Variants in TEP1 observed in about 807,000 individuals in gnomAD.
The protein encoded by TEP1 is telomerase protein component 1.
Under a neutral mutation model 306.3 loss-of-function variants are expected in TEP1, and 241 were observed. The observed-to-expected ratio is 0.79, with a 90% CI of 0.71 to 0.88. TEP1 has a LOEUF of 0.88. TEP1 is among the 40% of genes least tolerant of loss of function. The pLI is 0.00. For synonymous variants in TEP1, 1,289 were observed against 1,305.5 expected, an observed-to-expected ratio of 0.99 and a Z score of 0.27; for missense variants, 3,051 against 3,276.1, an observed-to-expected ratio of 0.93 and a Z score of 1.68.
rs1238406094 is a variant in TEP1 at position 20,367,085 on chromosome 14, C to T, written c.*1352G>A. 2 of 152,182 alleles carry T rather than the reference C, an allele frequency of 1.3e-5. No individual in the cohort carries two copies. The highest frequency in any genetic ancestry group is 2.4e-5 in the African/African-American group (1 of 41,438). 9.4% of individuals were successfully genotyped at this position (152,182 alleles called of 1,614,324 possible). ...AATATAATAAAGTTCTTTTATGGGC[C>T]GGGCACAATGGCTCACGCCTGTAAT... On this transcript the variant is annotated 3_prime_UTR_variant, in exon 55 of 55. Transcript: ENST00000262715.
Position 20,368,103 on chromosome 14 carries a change from A to G in TEP1, c.*334T>C. On this transcript the variant is annotated 3_prime_UTR_variant, in exon 55 of 55. Transcript: ENST00000262715. ...CTCCTCCTGGCAAGAATGGCATCCT[A>G]GGGTCCTAGGGCCCGCGAGTGATGC... The G allele has an allele frequency of 5.4e-6, 1 of 183,716 alleles. No individual in the cohort carries two copies. Among genetic ancestry groups the G allele is most frequent in the Non-Finnish European group, 1.2e-5 (1 of 86,858 alleles). 11.4% of individuals were successfully genotyped at this position (183,716 alleles called of 1,614,324 possible).
At chr14:20,384,928 A>T in intron 21 of TEP1, 57 bp downstream of exon 21, 1 of 1,611,926 alleles carries the variant, frequency 6.2e-7, no homozygotes, top group Non-Finnish European at 8.5e-7. Context: ...AGGAGAGAAG[A>T]CTGGCCTGTC....
intron 8 of TEP1, 117 bp downstream of exon 8, chr14:20,401,340 G>A: frequency 6.9e-7 from 1 of 1,450,396 alleles, no homozygotes; most frequent in Admixed American, 2.1e-5. Flanking sequence ...TGTCTACAGG[G>A]CATGTCTGTC....
rs1479442797 is a variant in TEP1 at position 20,384,336 on chromosome 14, C to T, written c.3339+55G>A. The T allele has an allele frequency of 2.5e-6, 4 of 1,612,060 alleles. No individual in the cohort carries two copies. In the African/African-American group the frequency reaches 4.0e-5, roughly 16 times the overall value. On this transcript the variant is annotated intron_variant, in intron 23 of 54. Transcript: ENST00000262715. ...CCAAGCTACTTCCTCCCCAGGACAACCCAGACCACCCCATGTCCCTCTCCA... is the reference window on the plus strand; with the variant it reads ...CCAAGCTACTTCCTCCCCAGGACAATCCAGACCACCCCATGTCCCTCTCCA...
chr14:20,383,959 T>C (rs1876857555), intron 24 of TEP1, 41 bp from the exon 25 acceptor site: 1 of 1,590,524 alleles, frequency 6.3e-7, no homozygotes, highest in Non-Finnish European at 8.5e-7. Flanking sequence ...ACATTTTACA[T>C]GCCTGAGCTC....
intron 13 of TEP1, 29 bp downstream of exon 13, chr14:20,391,570 C>T (rs1877721605): frequency 1.1e-5 from 18 of 1,601,044 alleles, no homozygotes; most frequent in Non-Finnish European, 1.5e-5. Context: ...CCAACCCAAC[C>T]CCTTGGAGGA....
chr14:20,369,827 T>C (rs1884719568), intron 51 of TEP1, 48 bp from the exon 52 acceptor site: 2 of 1,481,376 alleles, frequency 1.4e-6, no homozygotes, highest in African/African-American at 2.8e-5. Context: ...ATGAGTCAAC[T>C]TGTACCAGAC....
At chr14:20,379,847 G>A in intron 35 of TEP1, 83 bp downstream of exon 35, 1 of 1,507,550 alleles carries the variant, frequency 6.6e-7, no homozygotes, top group Non-Finnish European at 8.9e-7. Context: ...AGTGATAACA[G>A]GTGTGTTTGG....
At chr14:20,399,933 G>A (rs562832702) in intron 9 of TEP1, among the ~76,000 whole-genome samples, 9 of 149,688 alleles carry the variant, frequency 6.0e-5, no homozygotes, top group African/African-American at 1.7e-4. Flanking sequence ...AGGCCGAGGC[G>A]AGTGGATTAC....
At chr14:20,384,304 G>T (rs1007400299) in intron 23 of TEP1, 72 bp from the exon 24 acceptor site, 3 of 1,608,022 alleles carry the variant, frequency 1.9e-6, no homozygotes, top group South Asian at 1.1e-5. Context: ...AACTCACAGA[G>T]CCCCCGCCAA....
At chr14:20,399,121 G>C (rs887432255) in intron 9 of TEP1, among the ~76,000 whole-genome samples, 1 of 152,120 alleles carries the variant, frequency 6.6e-6, no homozygotes, top group Admixed American at 6.5e-5. Flanking sequence ...TCAAACTCCT[G>C]AGCTCAAGTG....
chr14:20,410,777 A>G, intron 1 of TEP1, among the ~76,000 whole-genome samples: 1 of 98,226 alleles, frequency 1.0e-5, no homozygotes, highest in Admixed American at 1.1e-4. Flanking sequence ...TTATTAGCCC[A>G]CTTGCTAATT....
chr14:20,411,353 C>A (rs769412334), intron 1 of TEP1, among the ~76,000 whole-genome samples: 1 of 152,130 alleles, frequency 6.6e-6, no homozygotes, highest in Non-Finnish European at 1.5e-5. Context: ...ACAGGCAGAT[C>A]CCTGGAACAC....
intron 12 of TEP1, among the ~76,000 whole-genome samples, chr14:20,393,160 T>C (rs1295964346): frequency 2.0e-5 from 3 of 151,068 alleles, no homozygotes; most frequent in African/African-American, 4.9e-5. Context: ...GAGCTTGCAG[T>C]GAGCCGAGAT....
At position 20,395,881 on chromosome 14, in the gene TEP1, G is replaced by C; in HGVS notation, c.1728C>G (p.Leu576=). 6.2e-7 allele frequency: 1 copy of C among 1,614,038 alleles called. No individual in the cohort carries two copies. The highest frequency in any genetic ancestry group is 8.5e-7 in the Non-Finnish European group (1 of 1,179,984). ...FLNAHDAIDA[L]EAQLRNQALP... ...TACCTTGATTTCTGAGTTGAGCCTCGAGGGCATCAATGGCATCATGGGCGT... is the reference window on the plus strand; with the variant it reads ...TACCTTGATTTCTGAGTTGAGCCTCCAGGGCATCAATGGCATCATGGGCGT... The change falls in exon 11 of 55, where the codon CTC becomes CTG. Residue 576 remains leucine, a synonymous_variant. Transcript: ENST00000262715.
intron 51 of TEP1, among the ~76,000 whole-genome samples, chr14:20,370,638 A>G (rs1884778410): frequency 6.6e-6 from 1 of 152,210 alleles, no homozygotes; most frequent in Non-Finnish European, 1.5e-5. Context: ...TAAAGCTGCT[A>G]TGAAGATTCT....
chr14:20,380,608 C>G lies in TEP1; in HGVS notation c.4763-133G>C, dbSNP rs1885477404. The G allele has an allele frequency of 2.9e-6, 4 of 1,371,852 alleles. No homozygotes were observed. The South Asian group carries it at 4.6e-5, about 16-fold the overall frequency. 85.0% of individuals were successfully genotyped at this position (1,371,852 alleles called of 1,614,324 possible). A position where few individuals can be genotyped will look rare whatever the true frequency, so the allele number is the denominator to read the frequency against. On this transcript the variant is annotated intron_variant, in intron 33 of 54. Coordinates refer to ENST00000262715, the MANE Select transcript of TEP1 (RefSeq NM_007110.5). ...CCCTCTGGCCCTATATCAGGAATAT[C>G]TCTTAAAAGTACAAAGCTTTGAGCC...
intron 51 of TEP1, 93 bp from the exon 52 acceptor site, chr14:20,369,872 A>T (rs1884722545): frequency 2.3e-5 from 17 of 740,886 alleles, no homozygotes; most frequent in South Asian, 1.4e-4. Flanking sequence ...CTGGTCAGGA[A>T]TTTTTTTTTT....
rs1384696906 is a variant in TEP1 at position 20,389,610 on chromosome 14, A to G, written c.2465T>C (p.Leu822Pro). The G allele has an allele frequency of 3.7e-6, 6 of 1,613,944 alleles. No individual in the cohort carries two copies. The highest frequency in any genetic ancestry group is 2.7e-5 in the African/African-American group (2 of 74,938). ...VGILLRRVQYLSTDLNPNDVT... is the reference protein window; with the variant it reads ...VGILLRRVQYPSTDLNPNDVT... ...GGGCAGGAAGTATAAGCACCCTTACAGGTATTGTACCCTTCTTAGGAGGAT... is the reference window on the plus strand; with the variant it reads ...GGGCAGGAAGTATAAGCACCCTTACGGGTATTGTACCCTTCTTAGGAGGAT... Residue 822 changes from leucine to proline, a missense_variant and splice_region_variant, in exon 16 of 55, where the codon CTG becomes CCG. Transcript: ENST00000262715.
Sources: allele counts gnomAD v4.1 joint callset (sites outside exome capture counted in the v4.1 genomes callset), GRCh38; gene constraint gnomAD v4.1.1; transcripts MANE v1.5; gene names NCBI Gene and HGNC (gene_info 2026-07-23, HGNC 2026-07-21).